COL13A1: variants seen among roughly 807,000 people sequenced by gnomAD.
The protein encoded by COL13A1 is collagen alpha-1(XIII) chain.
In COL13A1, 89 loss-of-function variants were observed where a neutral mutation model predicts 130.9. The observed-to-expected ratio is 0.68, with a 90% CI of 0.57 to 0.81. The LOEUF (loss-of-function observed/expected upper bound fraction) is 0.81. Among genes scored for constraint, COL13A1 ranks in the 30% least tolerant of loss-of-function variants. The probability of loss-of-function intolerance (pLI) is 0.00; values close to 1 mark genes in which losing one functional copy is unlikely to be tolerated. For missense variants in COL13A1, 879 were observed against 934.6 expected, an observed-to-expected ratio of 0.94 and a Z score of 0.78; for synonymous variants, 402 against 341.6, an observed-to-expected ratio of 1.18 and a Z score of -1.95.
intron 2 of COL13A1, 98 bp from the exon 3 acceptor site, chr10:69,867,700 C>A: frequency 2.9e-6 from 2 of 700,026 alleles, no homozygotes; most frequent in South Asian, 3.1e-5. Flanking sequence ...ATGGAAACCC[C>A]TCCGCTGATG....
chr10:69,952,933 C>T lies in COL13A1; in HGVS notation c.2110C>T (p.Gln704Ter). ...SRGPKGDKGDQGAPGLDAPCP... is the reference protein window; with the variant it reads ...SRGPKGDKGD ...AGGGCCTAAAGGGGATAAGGGAGAC[C>T]AAGGAGCGCCTGGATTAGATGCCCC... Residue 704 changes from glutamine (Q) to a stop codon, truncating the protein, a stop_gained, in exon 39 of 41, where the codon CAA (glutamine) becomes TAA (stop). Coordinates refer to ENST00000645393, the MANE Select transcript of COL13A1 (RefSeq NM_001368882.1). LOFTEE classifies it high-confidence loss of function. The T allele has an allele frequency of 6.4e-7, 1 of 1,557,616 alleles. No individual in the cohort carries two copies. The highest frequency in any genetic ancestry group is 8.6e-7 in the Non-Finnish European group (1 of 1,158,484).
At chr10:69,822,276 C>G (rs1045084222) in intron 1 of COL13A1, 93 bp from the exon 2 acceptor site, 2 of 958,148 alleles carry the variant, frequency 2.1e-6, no homozygotes, top group African/African-American at 3.4e-5. Flanking sequence ...CGGTTTCCCC[C>G]TCTTCCTGCC....
At chr10:69,880,939 G>A (rs186594596) in intron 7 of COL13A1, among the ~76,000 whole-genome samples, 56 of 152,292 alleles carry the variant, frequency 3.7e-4, no homozygotes, top group South Asian at 6.2e-4. Flanking sequence ...ATACGAGTCC[G>A]GGTTCACTGA....
At chr10:69,915,139 C>T (rs1465210918) in intron 17 of COL13A1, among the ~76,000 whole-genome samples, 1 of 152,244 alleles carries the variant, frequency 6.6e-6, no homozygotes, top group Non-Finnish European at 1.5e-5. Context: ...CCTCTGTGAG[C>T]CGCAGTTAGC....
intron 31 of COL13A1, among the ~76,000 whole-genome samples, chr10:69,933,380 C>T (rs2066413857): frequency 6.6e-6 from 1 of 152,056 alleles, no homozygotes; most frequent in Admixed American, 6.5e-5. Context: ...AACAGAATGG[C>T]TGAGTGAGAA....
chr10:69,809,750 G>A (rs781275534), intron 1 of COL13A1, among the ~76,000 whole-genome samples: 5 of 152,260 alleles, frequency 3.3e-5, no homozygotes, highest in Admixed American at 6.5e-5. Flanking sequence ...CGTCAGGGCC[G>A]TGCCACCATC....
At chr10:69,893,153 G>A (rs2061344706) in intron 10 of COL13A1, among the ~76,000 whole-genome samples, 1 of 152,216 alleles carries the variant, frequency 6.6e-6, no homozygotes, top group Non-Finnish European at 1.5e-5. Flanking sequence ...GAGTTTGAGA[G>A]CAGCCTGGGC....
intron 1 of COL13A1, among the ~76,000 whole-genome samples, chr10:69,816,076 G>C (rs1740626217): frequency 6.6e-6 from 1 of 151,450 alleles, no homozygotes; most frequent in African/African-American, 2.4e-5. Flanking sequence ...GCATGTATGA[G>C]AGCTTCAGAG....
At chr10:69,935,204 T>G (rs917211436) in intron 31 of COL13A1, 146 bp from the exon 32 acceptor site, 63 of 656,142 alleles carry the variant, frequency 9.6e-5, no homozygotes, top group East Asian at 1.8e-4. Context: ...GAGCCTTTTT[T>G]GGGGGATACT....
intron 39 of COL13A1, 92 bp from the exon 40 acceptor site, chr10:69,956,912 C>G (rs1203762825): frequency 1.7e-5 from 17 of 976,314 alleles, no homozygotes; most frequent in Non-Finnish European, 1.8e-5. Flanking sequence ...GATCAGCTGC[C>G]AAAATGCGTG....
rs1239274479 is a variant in COL13A1 at position 69,823,988 on chromosome 10, G to A, written c.364+1550G>A. On this transcript the variant is annotated intron_variant, in intron 2 of 40. Transcript: ENST00000645393. ...CATGTCTGTTGCCCTTATAACTCTT[G>A]GGCAATGACAACCGATTTTTGCTCA... 4 of 425,948 alleles carry A rather than the reference G, an allele frequency of 9.4e-6. No homozygotes were observed. In the Admixed American group the frequency reaches 1.1e-4, roughly 11 times the overall value. The allele number at this position is 425,948 out of a possible 1,614,324, so 26.4% of individuals were successfully genotyped here.
chr10:69,923,511 C>T (rs1310375833), intron 23 of COL13A1, among the ~76,000 whole-genome samples: 1 of 152,218 alleles, frequency 6.6e-6, no homozygotes, highest in Non-Finnish European at 1.5e-5. Flanking sequence ...CTGCCATGGG[C>T]TGGGCTCTGT....
chr10:69,836,264 C>T (rs533045470), intron 2 of COL13A1, among the ~76,000 whole-genome samples: 41 of 152,312 alleles, frequency 2.7e-4, no homozygotes, highest in African/African-American at 9.4e-4. Context: ...CTAGGCGGTG[C>T]CCAGTGTGGG....
chr10:69,929,100 C>A, intron 28 of COL13A1, 101 bp downstream of exon 28: 1 of 912,702 alleles, frequency 1.1e-6, no homozygotes, highest in Middle Eastern at 3.4e-4. Context: ...GCACTACCAC[C>A]ATACCCTCCT....
At chr10:69,812,259 G>A (rs778797528) in intron 1 of COL13A1, among the ~76,000 whole-genome samples, 2 of 152,144 alleles carry the variant, frequency 1.3e-5, no homozygotes, top group Non-Finnish European at 2.9e-5. Flanking sequence ...ATGGTGGCAC[G>A]CTGTCAAGGC....
Position 69,822,165 on chromosome 10 carries a change from A to AT in COL13A1, c.295-202dup, listed in dbSNP as rs541658402. Among the ~76,000 whole-genome samples the AT allele has an allele frequency of 3.4e-3, 524 of 152,296 alleles. 2 individuals are homozygous for AT. The highest frequency in any genetic ancestry group is 0.012 in the African/African-American group (500 of 41,570). On this transcript the variant is annotated intron_variant, in intron 1 of 40. Coordinates refer to ENST00000645393, the MANE Select transcript of COL13A1 (RefSeq NM_001368882.1). ...TGCTCCAAAGACATCAGACGCTGTG[A>AT]TTACCGGGATGGGCTTTCTTGTCTG... is the stretch of plus-strand genomic sequence containing the variant.
At chr10:69,853,071 T>C (rs1444300573) in intron 2 of COL13A1, among the ~76,000 whole-genome samples, 1 of 152,180 alleles carries the variant, frequency 6.6e-6, no homozygotes, top group Non-Finnish European at 1.5e-5. Context: ...GGAGATATCT[T>C]CCTAGCGATC....
intron 1 of COL13A1, among the ~76,000 whole-genome samples, chr10:69,811,474 C>T (rs1843036145): frequency 6.6e-6 from 1 of 152,210 alleles, no homozygotes; most frequent in South Asian, 2.1e-4. Flanking sequence ...GTTAAAGGGG[C>T]ATTTGCCAGG....
At chr10:69,951,391 G>C (rs2069543910) in intron 38 of COL13A1, among the ~76,000 whole-genome samples, 1 of 151,980 alleles carries the variant, frequency 6.6e-6, no homozygotes, top group African/African-American at 2.4e-5. Context: ...ACAGGGTCTT[G>C]CTTTGTTGCC....
Sources: gnomAD v4.1 joint callset for allele counts (sites outside exome capture counted in the v4.1 genomes callset) on GRCh38, gnomAD v4.1.1 for gene constraint, MANE v1.5 for transcripts, NCBI Gene and HGNC (gene_info 2026-07-23, HGNC 2026-07-21) for gene names.